Variants in KCNH8 observed in about 807,000 individuals in gnomAD.
KCNH8 encodes the protein potassium voltage-gated channel subfamily H member 8, also known as voltage-gated delayed rectifier potassium channel KCNH8.
Under a neutral mutation model 103.6 loss-of-function variants are expected in KCNH8, and 70 were observed. The ratio of observed to expected loss-of-function variants is 0.68; its 90% CI spans 0.56 to 0.82. The LOEUF (loss-of-function observed/expected upper bound fraction) is 0.82, where lower values mean the gene tolerates loss of function less well. Ranked by LOEUF, KCNH8 falls within the 40% of genes least tolerant of loss-of-function variation. KCNH8 has a pLI of 0.00. For synonymous variants in KCNH8, 498 were observed against 489.4 expected, an observed-to-expected ratio of 1.02 and a Z score of -0.23; for missense variants, 1,217 against 1,329.9, an observed-to-expected ratio of 0.92 and a Z score of 1.32.
intron 1 of KCNH8, among the ~76,000 whole-genome samples, chr3:19,237,531 TG>T (rs990023720): frequency 1.3e-5 from 2 of 152,228 alleles, no homozygotes; most frequent in Non-Finnish European, 2.9e-5. Flanking sequence ...GCAACTGCAG[TG>T]GGCACATGCA....
chr3:19,299,593 GAC>G (rs1212497744), intron 3 of KCNH8, among the ~76,000 whole-genome samples: 1 of 151,594 alleles, frequency 6.6e-6, no homozygotes, highest in Non-Finnish European at 1.5e-5. Context: ...AAACCCCTAT[GAC>G]ACAGTTTACC....
At chr3:19,461,971 T>A (rs2067639681) in intron 11 of KCNH8, among the ~76,000 whole-genome samples, 1 of 152,208 alleles carries the variant, frequency 6.6e-6, no homozygotes, top group African/African-American at 2.4e-5. Flanking sequence ...GGACATTAAC[T>A]CATCCTTTTT....
intron 11 of KCNH8, among the ~76,000 whole-genome samples, chr3:19,477,344 T>A (rs899790757): frequency 6.6e-6 from 1 of 152,036 alleles, no homozygotes; most frequent in Non-Finnish European, 1.5e-5. Context: ...GTATAATTAA[T>A]ATTTATAAAC....
chr3:19,224,040 T>C (rs1173525513), intron 1 of KCNH8, among the ~76,000 whole-genome samples: 2 of 152,164 alleles, frequency 1.3e-5, no homozygotes, highest in African/African-American at 4.8e-5. Flanking sequence ...TACTGATTTG[T>C]GCTTCCCTAT....
intron 7 of KCNH8, among the ~76,000 whole-genome samples, chr3:19,429,559 A>G (rs2067088374): frequency 6.6e-6 from 1 of 151,704 alleles, no homozygotes; most frequent in African/African-American, 2.4e-5. Context: ...CATGAAGAAA[A>G]CTCCTTTAGA....
intron 1 of KCNH8, among the ~76,000 whole-genome samples, chr3:19,194,646 G>C (rs965198742): frequency 6.6e-6 from 1 of 151,740 alleles, no homozygotes; most frequent in African/African-American, 2.4e-5. Flanking sequence ...AGATAAGGAG[G>C]GGGTAGGGGT....
chr3:19,482,228 C>G (rs7653865), intron 11 of KCNH8, among the ~76,000 whole-genome samples: 11,224 of 152,226 alleles, frequency 0.074, 838 homozygotes, highest in East Asian at 0.27. Context: ...TAACGTAACC[C>G]ATTAGGTCAG....
intron 8 of KCNH8, among the ~76,000 whole-genome samples, chr3:19,446,611 G>A (rs1381950359): frequency 6.6e-6 from 1 of 152,022 alleles, no homozygotes; most frequent in Non-Finnish European, 1.5e-5. Flanking sequence ...GTGGGAAAGA[G>A]AAGGAGGGCA....
chr3:19,177,001 A>C (rs957023800), intron 1 of KCNH8, among the ~76,000 whole-genome samples: 2 of 152,080 alleles, frequency 1.3e-5, no homozygotes, highest in Admixed American at 6.6e-5. Flanking sequence ...TAGCACTATA[A>C]CTCATGCTTG....
At chr3:19,198,062 A>C (rs1403411801) in intron 1 of KCNH8, among the ~76,000 whole-genome samples, 2 of 152,086 alleles carry the variant, frequency 1.3e-5, no homozygotes, top group South Asian at 2.1e-4. Flanking sequence ...TAATTCTAGC[A>C]TGTTATAATT....
chr3:19,368,730 A>G (rs1048696908), intron 5 of KCNH8, among the ~76,000 whole-genome samples: 9 of 152,022 alleles, frequency 5.9e-5, no homozygotes, highest in Non-Finnish European at 1.2e-4. Context: ...CGTATTTGAA[A>G]GTTATTGTGT....
At chr3:19,485,914 T>C (rs1295687785) in intron 11 of KCNH8, among the ~76,000 whole-genome samples, 1 of 152,218 alleles carries the variant, frequency 6.6e-6, no homozygotes, top group Admixed American at 6.5e-5. Flanking sequence ...CTTTTTCTTG[T>C]ATAATGCTCC....
At chr3:19,405,117 CA>C (rs2066672390) in intron 7 of KCNH8, among the ~76,000 whole-genome samples, 1 of 151,842 alleles carries the variant, frequency 6.6e-6, no homozygotes, top group Non-Finnish European at 1.5e-5. Flanking sequence ...GCTTTGAGAA[CA>C]TTGAGACTTT....
intron 11 of KCNH8, among the ~76,000 whole-genome samples, chr3:19,503,679 C>G (rs2068634702): frequency 6.8e-6 from 1 of 147,882 alleles, no homozygotes. Context: ...ATCTCAAGAA[C>G]AAAAAACCAA....
intron 1 of KCNH8, among the ~76,000 whole-genome samples, chr3:19,241,780 A>T (rs994495085): frequency 2.0e-5 from 3 of 152,092 alleles, no homozygotes; most frequent in Non-Finnish European, 2.9e-5. Flanking sequence ...ACCATTCCTG[A>T]TGGAGAAAGT....
At chr3:19,403,361 AATATATAT>A (rs57523893) in intron 7 of KCNH8, among the ~76,000 whole-genome samples, 1,389 of 124,584 alleles carry the variant, frequency 0.011, 35 homozygotes, top group African/African-American at 0.032. Flanking sequence ...ATATGTAAAG[AATATATAT>A]ATATATATAT....
intron 2 of KCNH8, among the ~76,000 whole-genome samples, chr3:19,254,433 C>T (rs549126045): frequency 6.6e-6 from 1 of 152,106 alleles, no homozygotes; most frequent in Non-Finnish European, 1.5e-5. Flanking sequence ...ACAGGAGACA[C>T]TTAGCATCTC....
intron 1 of KCNH8, among the ~76,000 whole-genome samples, chr3:19,248,334 G>A (rs561723319): frequency 3.9e-4 from 60 of 152,272 alleles, no homozygotes; most frequent in Non-Finnish European, 6.6e-4. Flanking sequence ...AGACTCCAGA[G>A]TGGCTGTATG....
At chr3:19,325,467 C>T (rs1368105254) in intron 3 of KCNH8, among the ~76,000 whole-genome samples, 1 of 152,028 alleles carries the variant, frequency 6.6e-6, no homozygotes, top group Non-Finnish European at 1.5e-5. Flanking sequence ...TATCCAGCAT[C>T]TATAAGGAAC....
Sources: allele counts gnomAD v4.1 joint callset (sites outside exome capture counted in the v4.1 genomes callset), GRCh38; gene constraint gnomAD v4.1.1; transcripts MANE v1.5; gene names NCBI Gene and HGNC (gene_info 2026-07-23, HGNC 2026-07-21).